Variants in NAALADL2 observed in about 807,000 individuals in gnomAD.
NAALADL2 encodes inactive N-acetylated-alpha-linked acidic dipeptidase-like protein 2.
NAALADL2 carries 76 observed loss-of-function variants against 87.2 expected under a neutral mutation model. The observed-to-expected ratio is 0.87, with a 90% confidence interval of 0.72 to 1.05. The LOEUF (loss-of-function observed/expected upper bound fraction) is 1.05. Ranked by LOEUF, NAALADL2 falls within the 50% of genes least tolerant of loss-of-function variation. The pLI, the probability that NAALADL2 is intolerant of heterozygous loss-of-function variation, is 0.00. For missense variants in NAALADL2, 1,089 were observed against 945.8 expected, an observed-to-expected ratio of 1.15 and a Z score of -1.99; for synonymous variants, 354 against 331.0, an observed-to-expected ratio of 1.07 and a Z score of -0.75.
chr3:174,821,347 T>C (rs1369790299), intron 3 of NAALADL2, among the ~76,000 whole-genome samples: 1 of 151,912 alleles, frequency 6.6e-6, no homozygotes, highest in Non-Finnish European at 1.5e-5. Flanking sequence ...GAAAAAAAAA[T>C]GTGTAAGTCA....
At chr3:175,491,458 A>G (rs907788510) in intron 9 of NAALADL2, among the ~76,000 whole-genome samples, 11 of 152,022 alleles carry the variant, frequency 7.2e-5, no homozygotes, top group Admixed American at 6.6e-4. Flanking sequence ...AAATTTTTAT[A>G]TAGTTGAGCT....
chr3:174,531,147 G>C (rs1721200730), intron 1 of NAALADL2, among the ~76,000 whole-genome samples: 1 of 151,870 alleles, frequency 6.6e-6, no homozygotes. Flanking sequence ...CATTTATTTG[G>C]CCCCGTGTTT....
intron 3 of NAALADL2, among the ~76,000 whole-genome samples, chr3:175,253,364 T>G (rs926148119): frequency 1.3e-5 from 2 of 152,188 alleles, no homozygotes; most frequent in Admixed American, 1.3e-4. Flanking sequence ...TGTTTACACA[T>G]GGACTACTGA....
chr3:175,262,575 AGTGTGTGT>A (rs71164625), intron 4 of NAALADL2, among the ~76,000 whole-genome samples: 90 of 147,010 alleles, frequency 6.1e-4, no homozygotes, highest in Middle Eastern at 3.6e-3. Flanking sequence ...ATGTTGTGTG[AGTGTGTGT>A]GTGTGTGTGT....
At chr3:174,914,521 C>A (rs1433458630) in intron 1 of NAALADL2, among the ~76,000 whole-genome samples, 1 of 151,940 alleles carries the variant, frequency 6.6e-6, no homozygotes, top group African/African-American at 2.4e-5. Flanking sequence ...TATTTGAGCC[C>A]CATTTTCCTA....
intron 1 of NAALADL2, among the ~76,000 whole-genome samples, chr3:174,980,199 G>A (rs1288918943): frequency 6.6e-6 from 1 of 152,126 alleles, no homozygotes; most frequent in African/African-American, 2.4e-5. Context: ...TTAATTATCT[G>A]CCTCTTCAGC....
At chr3:175,343,691 C>T (rs1217647256) in intron 5 of NAALADL2, among the ~76,000 whole-genome samples, 1 of 69,008 alleles carries the variant, frequency 1.4e-5, no homozygotes, top group Non-Finnish European at 3.3e-5. Flanking sequence ...TCCCACTGAT[C>T]AAACTAGGAA....
chr3:175,186,764 G>A (rs1737393024), intron 2 of NAALADL2, among the ~76,000 whole-genome samples: 3 of 152,072 alleles, frequency 2.0e-5, no homozygotes, highest in Admixed American at 6.6e-5. Flanking sequence ...TATCCCTGAA[G>A]AACTGGTTTT....
intron 5 of NAALADL2, among the ~76,000 whole-genome samples, chr3:175,441,911 T>C (rs1719834192): frequency 6.6e-6 from 1 of 152,122 alleles, no homozygotes; most frequent in Non-Finnish European, 1.5e-5. Flanking sequence ...GTTTGGCTAA[T>C]TGGCACTTGA....
intron 12 of NAALADL2, among the ~76,000 whole-genome samples, chr3:175,753,213 T>G (rs1474650095): frequency 1.3e-5 from 2 of 152,166 alleles, no homozygotes; most frequent in Non-Finnish European, 2.9e-5. Context: ...GAGCTACATA[T>G]TAGCCTCAAG....
chr3:174,745,776 G>C (rs1734196194), intron 3 of NAALADL2, among the ~76,000 whole-genome samples: 1 of 152,134 alleles, frequency 6.6e-6, no homozygotes, highest in Non-Finnish European at 1.5e-5. Context: ...GGGATGCAAG[G>C]CTGGTTAAAC....
chr3:174,779,468 C>G lies in NAALADL2; in HGVS notation c.-9+41722C>G, dbSNP rs138309370. 1.8e-3 allele frequency among the ~76,000 whole-genome samples: 272 copies of G among 152,250 alleles called. 1 individual carries two copies. The highest frequency in any genetic ancestry group is 5.6e-3 in the African/African-American group (233 of 41,562). On this transcript the variant is annotated intron_variant, in intron 3 of 3. Coordinates refer to the NAALADL2 transcript ENST00000434257. ...TAGTTTCTTTTACTGTGCAGAAGCT[C>G]TTCAGTTTAATTAGATCCCATTTGT... is the stretch of plus-strand genomic sequence containing the variant.
chr3:175,116,058 A>G (rs1465087292), intron 2 of NAALADL2, among the ~76,000 whole-genome samples: 1 of 151,896 alleles, frequency 6.6e-6, no homozygotes, highest in Non-Finnish European at 1.5e-5. Flanking sequence ...AAACTCAATA[A>G]ACTAGGTATT....
chr3:174,547,262 A>G (rs1204144880), intron 1 of NAALADL2, among the ~76,000 whole-genome samples: 1 of 152,168 alleles, frequency 6.6e-6, no homozygotes. Flanking sequence ...TGTCCTGCAT[A>G]TACACTCTGA....
chr3:174,485,151 AAAT>A (rs1180654711), intron 1 of NAALADL2, among the ~76,000 whole-genome samples: 1 of 151,996 alleles, frequency 6.6e-6, no homozygotes, highest in Non-Finnish European at 1.5e-5. Context: ...TTCAGAGGAA[AAAT>A]AATAAAAAAT....
intron 1 of NAALADL2, among the ~76,000 whole-genome samples, chr3:174,441,332 A>G (rs1041013334): frequency 6.6e-6 from 1 of 152,142 alleles, no homozygotes; most frequent in Non-Finnish European, 1.5e-5. Context: ...AACCCGCTCC[A>G]AGGCCCCCGC....
At chr3:174,977,686 G>C (rs1744546339) in intron 1 of NAALADL2, among the ~76,000 whole-genome samples, 1 of 152,012 alleles carries the variant, frequency 6.6e-6, no homozygotes, top group Non-Finnish European at 1.5e-5. Context: ...GGAACCCCAG[G>C]GGATCTAAGG....
chr3:175,754,620 A>G (rs1027251126), intron 12 of NAALADL2, among the ~76,000 whole-genome samples: 5 of 152,224 alleles, frequency 3.3e-5, no homozygotes, highest in African/African-American at 1.2e-4. Context: ...AACATATCTC[A>G]GGTTCTCAAG....
At chr3:174,648,560 A>G (rs1724041153) in intron 2 of NAALADL2, among the ~76,000 whole-genome samples, 1 of 152,092 alleles carries the variant, frequency 6.6e-6, no homozygotes, top group Non-Finnish European at 1.5e-5. Flanking sequence ...CTAAAAAGAA[A>G]AATGTTACTT....
Sources: allele counts gnomAD v4.1 joint callset (sites outside exome capture counted in the v4.1 genomes callset), GRCh38; gene constraint gnomAD v4.1.1; transcripts MANE v1.5; gene names NCBI Gene and HGNC (gene_info 2026-07-23, HGNC 2026-07-21).